SIK3: variants seen among roughly 807,000 people sequenced by gnomAD.
SIK3 encodes serine/threonine-protein kinase SIK3.
In SIK3, 28 loss-of-function variants were observed where a neutral mutation model predicts 144.2. The observed-to-expected ratio is 0.19, with a 90% CI of 0.14 to 0.27. The LOEUF (loss-of-function observed/expected upper bound fraction) is 0.27. SIK3 is among the 10% of genes least tolerant of loss of function. The pLI is 1.00. For synonymous variants in SIK3, 686 were observed against 676.3 expected (o/e 1.01, Z -0.22); for missense variants, 1,319 against 1,776.0 (o/e 0.74, Z 4.62).
At chr11:116,857,325 T>A (rs1048521249) in intron 21 of SIK3, 1 of 171,136 alleles carries the variant, frequency 5.8e-6, no homozygotes, top group Non-Finnish European at 1.3e-5. Flanking sequence ...CGTAAGATAC[T>A]CCATTGTTCC....
intron 1 of SIK3, among the ~76,000 whole-genome samples, chr11:117,030,035 A>G (rs1952187354): frequency 6.6e-6 from 1 of 152,140 alleles, no homozygotes. Context: ...ACAATTTTGG[A>G]AAGCTGAGAA....
chr11:116,847,636 A>G (rs751764438), intron 22 of SIK3, 28 bp from the exon 23 acceptor site: 1 of 1,613,454 alleles, frequency 6.2e-7, no homozygotes, highest in Non-Finnish European at 8.5e-7. Context: ...GAGAAGAAAT[A>G]AGCACACAAG....
chr11:116,867,498 T>C lies in SIK3; in HGVS notation c.1952+448A>G, dbSNP rs1943711137. On this transcript the variant is annotated intron_variant, in intron 15 of 24. Coordinates refer to ENST00000445177, the MANE Select transcript of SIK3 (RefSeq NM_001366686.3). The surrounding 1 kb of genome is among the most constrained non-coding windows in gnomAD (Gnocchi z 4.1). ...TCTGCTCTACTATTCAGAAGGGGCT[T>C]TGTCTTCATTTCCAGGCTGGCGGTT... Among the ~76,000 whole-genome samples, 2 of 152,220 alleles carry C rather than the reference T, an allele frequency of 1.3e-5. No homozygotes were observed.
At position 117,098,192 on chromosome 11, in the gene SIK3, C is replaced by A; in HGVS notation, c.224G>T (p.Gly75Val). The A allele has an allele frequency of 6.6e-7, 1 of 1,523,182 alleles. No homozygotes were observed. Among genetic ancestry groups the A allele is most frequent in the Non-Finnish European group, 8.8e-7 (1 of 1,135,446 alleles). The allele number at this position is 1,523,182 out of a possible 1,614,324, so 94.4% of individuals were successfully genotyped here. Residue 75 changes from glycine (G) to valine (V), a missense_variant, in exon 1 of 25, where the codon GGC becomes GTC. Transcript: ENST00000445177. ...YYEIDRTIGK[G>V]NFAVVKRATH... ...GGCCCGCTTGACCACCGCGAAGTTGCCCTTGCCGATGGTGCGGTCGATCTC... is the reference window on the plus strand; with the variant it reads ...GGCCCGCTTGACCACCGCGAAGTTGACCTTGCCGATGGTGCGGTCGATCTC...
chr11:117,004,380 ATG>A (rs1950967229), intron 1 of SIK3, among the ~76,000 whole-genome samples: 1 of 151,956 alleles, frequency 6.6e-6, no homozygotes, highest in African/African-American at 2.4e-5. Context: ...GCCAGGCGTG[ATG>A]GTGCACACCT....
At chr11:117,021,227 CGAG>C (rs1205761948) in intron 1 of SIK3, among the ~76,000 whole-genome samples, 10 of 152,208 alleles carry the variant, frequency 6.6e-5, no homozygotes, top group African/African-American at 2.4e-4. Context: ...AGTTTCTACA[CGAG>C]AGAAGAAAGT....
rs538099667 is a variant in SIK3 at position 116,953,682 on chromosome 11, C to T, written c.454+362G>A. 2.0e-5 allele frequency among the ~76,000 whole-genome samples: 3 copies of T among 152,324 alleles called. No homozygotes were observed. In the South Asian group the frequency reaches 6.2e-4, roughly 32 times the overall value. ...GTGCTCTAAGTGGCTCTTTCTGACA[C>T]AACAGAGGCCCACACACTTGTGTGA... On this transcript the variant is annotated intron_variant, in intron 3 of 24. Transcript: ENST00000445177.
intron 1 of SIK3, among the ~76,000 whole-genome samples, chr11:117,032,873 G>C (rs769986639): frequency 1.3e-5 from 2 of 151,720 alleles, no homozygotes; most frequent in Admixed American, 1.3e-4. Flanking sequence ...ATTAATGTCC[G>C]TTTATCAGCA....
intron 1 of SIK3, among the ~76,000 whole-genome samples, chr11:117,026,883 C>T (rs1195878786): frequency 6.6e-6 from 1 of 151,996 alleles, no homozygotes; most frequent in Non-Finnish European, 1.5e-5. Context: ...TAAGAAACTC[C>T]ATGGAAAAAA....
Position 116,867,936 on chromosome 11 carries a change from G to A in SIK3, c.1952+10C>T, listed in dbSNP as rs1284944945. On this transcript the variant is annotated intron_variant, in intron 15 of 24. Coordinates refer to ENST00000445177, the MANE Select transcript of SIK3 (RefSeq NM_001366686.3). The surrounding 1 kb of genome is among the most constrained non-coding windows in gnomAD (Gnocchi z 4.1). Reference sequence around the variant, plus strand: ...CTCAAGGAGCTCGCACAGCTCATGTGGCTACTCACCGATGCTGATCAGGTA... The same window carrying A: ...CTCAAGGAGCTCGCACAGCTCATGTAGCTACTCACCGATGCTGATCAGGTA... 1.3e-6 allele frequency: 2 copies of A among 1,528,370 alleles called. No individual in the cohort carries two copies. Among genetic ancestry groups the A allele is most frequent in the Non-Finnish European group, 1.8e-6 (2 of 1,134,956 alleles). The allele number at this position is 1,528,370 out of a possible 1,614,324, so 94.7% of individuals were successfully genotyped here. A position where few individuals can be genotyped will look rare whatever the true frequency, so the allele number is the denominator to read the frequency against.
At chr11:117,031,429 C>T (rs1275183808) in intron 1 of SIK3, among the ~76,000 whole-genome samples, 1 of 150,846 alleles carries the variant, frequency 6.6e-6, no homozygotes, top group Non-Finnish European at 1.5e-5. Flanking sequence ...AAAGGCTATC[C>T]TTCCTGCACT....
intron 1 of SIK3, among the ~76,000 whole-genome samples, chr11:117,039,082 A>C (rs1416769633): frequency 1.3e-5 from 2 of 152,088 alleles, no homozygotes; most frequent in East Asian, 3.9e-4. Flanking sequence ...TCGCACATTC[A>C]CGGAGCATCT....
intron 23 of SIK3, 28 bp downstream of exon 23, chr11:116,847,448 G>C (rs754447093): frequency 6.2e-7 from 1 of 1,613,852 alleles, no homozygotes; most frequent in African/African-American, 1.3e-5. Flanking sequence ...GAACTTCTCT[G>C]GAGTGCCCCA....
chr11:117,022,194 G>T (rs1951808591), intron 1 of SIK3, among the ~76,000 whole-genome samples: 1 of 151,994 alleles, frequency 6.6e-6, no homozygotes, highest in Admixed American at 6.6e-5. Flanking sequence ...TGTGTCTAGA[G>T]ATTGACTGGA....
chr11:117,071,814 A>G, intron 1 of SIK3, among the ~76,000 whole-genome samples: 1 of 131,740 alleles, frequency 7.6e-6, no homozygotes. Context: ...TTCAGGAGAG[A>G]GAGAATCTCC....
chr11:116,897,861 C>A (rs953011542), intron 4 of SIK3, among the ~76,000 whole-genome samples: 4 of 150,042 alleles, frequency 2.7e-5, no homozygotes, highest in African/African-American at 7.4e-5. Flanking sequence ...CCAGCCTGGG[C>A]GACAGAGCAA....
chr11:117,089,807 C>T (rs554148755), intron 1 of SIK3, among the ~76,000 whole-genome samples: 2 of 152,202 alleles, frequency 1.3e-5, no homozygotes, highest in African/African-American at 4.8e-5. Flanking sequence ...CACAGACAAG[C>T]TTCAACAGGC....
At chr11:116,854,712 T>C (rs959865848) in intron 21 of SIK3, among the ~76,000 whole-genome samples, 1 of 152,092 alleles carries the variant, frequency 6.6e-6, no homozygotes, top group Non-Finnish European at 1.5e-5. Flanking sequence ...GGCACAGCAT[T>C]ATAAGCCTTT....
intron 1 of SIK3, among the ~76,000 whole-genome samples, chr11:117,082,002 G>A (rs1954811863): frequency 6.6e-6 from 1 of 152,030 alleles, no homozygotes; most frequent in Non-Finnish European, 1.5e-5. Context: ...TTCTCCAAAG[G>A]AAATATACAA....
Sources: gnomAD v4.1 joint callset for allele counts (sites outside exome capture counted in the v4.1 genomes callset) on GRCh38, gnomAD v4.1.1 for gene constraint, Gnocchi (gnomAD v3.1) non-coding constraint, MANE v1.5 for transcripts, NCBI Gene and HGNC (gene_info 2026-07-23, HGNC 2026-07-21) for gene names.